BRIX1: variants seen among roughly 807,000 people sequenced by gnomAD.
BRIX1 encodes the protein ribosome biogenesis protein BRX1 homolog.
A neutral mutation model predicts 44.0 loss-of-function variants in BRIX1; 15 were observed. The observed-to-expected ratio is 0.34, with a 90% CI of 0.23 to 0.53. The LOEUF is 0.53. Among genes scored for constraint, BRIX1 ranks in the 20% least tolerant of loss-of-function variants. The pLI is 0.95. For missense variants in BRIX1, 420 were observed against 432.8 expected (o/e 0.97, Z 0.26); for synonymous variants, 149 against 135.4 (o/e 1.10, Z -0.70).
Position 34,922,749 on chromosome 5 carries a change from C to T in BRIX1, c.491C>T (p.Pro164Leu), listed in dbSNP as rs762828314. The T allele has an allele frequency of 1.8e-5, 29 of 1,613,824 alleles. No homozygotes were observed. Among genetic ancestry groups the T allele is most frequent in the Non-Finnish European group, 2.4e-5 (28 of 1,179,912 alleles). Residue 164 changes from proline (P) to leucine (L), a missense_variant, in exon 6 of 10, where the codon CCC becomes CTC. By Grantham distance (98) the Pro-to-Leu change is moderately conservative. Transcript: ENST00000336767. ...MTGNCLKGSR[P>L]LLSFDPAFDE... ...GGAAACTGTTTGAAAGGTTCTCGGC[C>T]CCTTTTGTCTTTTGACCCTGTAAGT...
In BRIX1 at chr5:34,919,866, C is replaced by T. The variant is rs1418076844; in HGVS notation, c.298C>T (p.Leu100=). The change falls in exon 3 of 10, where the codon CTA becomes TTA. Residue 100 remains leucine (L), a synonymous_variant. Coordinates refer to ENST00000336767, the MANE Select transcript of BRIX1 (RefSeq NM_018321.4). ...TACTAAAATGGATCGTAAGGATAAG[C>T]TATTTGTGATTAACGAGGTAATTTT... ...ADTKMDRKDK[L]FVINEVCEMK... is the part of the protein sequence containing the mutation. The T allele has an allele frequency of 3.4e-6, 4 of 1,192,798 alleles. No homozygotes were observed. The highest frequency in any genetic ancestry group is 4.8e-6 in the Non-Finnish European group (4 of 833,772). 73.9% of individuals were successfully genotyped at this position (1,192,798 alleles called of 1,614,324 possible).
At chr5:34,925,172 A>G (rs1200886653) in intron 9 of BRIX1, 54 bp from the exon 10 acceptor site, 2 of 1,491,406 alleles carry the variant, frequency 1.3e-6, no homozygotes, top group Non-Finnish European at 8.9e-7. Flanking sequence ...TTTGCCTTAT[A>G]TAAAATGTTT....
Position 34,915,729 on chromosome 5 carries a change from G to A in BRIX1, c.-10G>A. 1.3e-6 allele frequency: 2 copies of A among 1,595,258 alleles called. No homozygotes were observed. The highest frequency in any genetic ancestry group is 1.1e-5 in the South Asian group (1 of 88,580). On this transcript the variant is annotated 5_prime_UTR_variant, in exon 1 of 10. Transcript: ENST00000336767. ...GGAAAGGAGGCCAAGAGCGCGGGCGGCGAGGCAAGATGGCGGCAACCAAGA... is the reference window on the plus strand; with the variant it reads ...GGAAAGGAGGCCAAGAGCGCGGGCGACGAGGCAAGATGGCGGCAACCAAGA...
Position 34,925,207 on chromosome 5 carries a change from C to CTTTT in BRIX1, c.793-6_793-3dup, listed in dbSNP as rs35326249. On this transcript the variant is annotated intron_variant, in intron 9 of 9. Coordinates refer to ENST00000336767, the MANE Select transcript of BRIX1 (RefSeq NM_018321.4). ...TATTTTTATTTCAAAAGCATCTAAT[C>CTTTT]TTTTTTTTTTTTTTTTAGCATCGGC... 2.1e-5 allele frequency: 28 copies of CTTTT among 1,357,940 alleles called. No homozygotes were observed. Among genetic ancestry groups the CTTTT allele is most frequent in the South Asian group, 1.2e-4 (8 of 66,704 alleles). The allele number at this position is 1,357,940 out of a possible 1,614,324, so 84.1% of individuals were successfully genotyped here.
chr5:34,915,925 C>T, intron 1 of BRIX1, 28 bp downstream of exon 1: 1 of 1,512,466 alleles, frequency 6.6e-7, no homozygotes, highest in South Asian at 1.3e-5. Flanking sequence ...CGGGCTACAC[C>T]TGCGGCGGCG....
Position 34,925,207 on chromosome 5 carries a change from CTTT to C in BRIX1, c.793-5_793-3del, listed in dbSNP as rs35326249. ...TATTTTTATTTCAAAAGCATCTAAT[CTTT>C]TTTTTTTTTTTTTAGCATCGGCGTG... On this transcript the variant is annotated splice_polypyrimidine_tract_variant and intron_variant, in intron 9 of 9. Coordinates refer to ENST00000336767, the MANE Select transcript of BRIX1 (RefSeq NM_018321.4). 1.8e-3 allele frequency: 2,384 copies of C among 1,340,182 alleles called. No homozygotes were observed. Among genetic ancestry groups the C allele is most frequent in the South Asian group, 5.0e-3 (328 of 65,514 alleles). The allele number at this position is 1,340,182 out of a possible 1,614,324, so 83.0% of individuals were successfully genotyped here.
rs1427967738 is a variant in BRIX1 at position 34,915,826 on chromosome 5, G to C, written c.88G>C (p.Ala30Pro). The C allele has an allele frequency of 6.4e-7, 1 of 1,574,370 alleles. No individual in the cohort carries two copies. The highest frequency in any genetic ancestry group is 8.6e-7 in the Non-Finnish European group (1 of 1,159,938). Residue 30 changes from alanine (A) to proline (P), a missense_variant, in exon 1 of 10, where the codon GCT becomes CCT. Coordinates refer to ENST00000336767, the MANE Select transcript of BRIX1 (RefSeq NM_018321.4). ...AAACGAAATAGATGCGGAGCCGCCA[G>C]CTAAGCGGCACGCCACAGCAGAGGA... ...KRNEIDAEPP[A>P]KRHATAEEVE... is the part of the protein sequence containing the mutation.
rs1434254718 is a variant in BRIX1 at position 34,922,558 on chromosome 5, G to A, written c.406G>A (p.Gly136Arg). Residue 136 changes from glycine to arginine, a missense_variant, in exon 5 of 10, where the codon GGA becomes AGA. Coordinates refer to ENST00000336767, the MANE Select transcript of BRIX1 (RefSeq NM_018321.4). ...TTTCAGGCTTTCAAATTCACCTCACGGACCATCTGCTAAATTCCTTGTTCA... is the reference window on the plus strand; with the variant it reads ...TTTCAGGCTTTCAAATTCACCTCACAGACCATCTGCTAAATTCCTTGTTCA... ...LYMWLSNSPH[G>R]PSAKFLVQNI... 2 of 1,609,350 alleles carry A rather than the reference G, an allele frequency of 1.2e-6. No individual in the cohort carries two copies. Among genetic ancestry groups the A allele is most frequent in the Non-Finnish European group, 8.5e-7 (1 of 1,176,042 alleles).
At position 34,922,557 on chromosome 5, in the gene BRIX1, C is replaced by A; in HGVS notation, c.405C>A (p.His135Gln). The A allele has an allele frequency of 1.9e-6, 3 of 1,608,782 alleles. No individual in the cohort carries two copies. The South Asian group carries it at 3.3e-5, about 18-fold the overall frequency. Residue 135 changes from histidine (H) to glutamine (Q), a missense_variant, in exon 5 of 10, where the codon CAC (histidine) becomes CAA (glutamine). Transcript: ENST00000336767. ...DLYMWLSNSP[H>Q]GPSAKFLVQN... ...CTTTCAGGCTTTCAAATTCACCTCACGGACCATCTGCTAAATTCCTTGTTC... is the reference window on the plus strand; with the variant it reads ...CTTTCAGGCTTTCAAATTCACCTCAAGGACCATCTGCTAAATTCCTTGTTC...
rs371474433 is a variant in BRIX1 at position 34,924,986 on chromosome 5, G to C, written c.792+11G>C. ...CAGTCACCAAACATGGTAAGCGGTT[G>C]TGTCATTCAGTAGTCTTCAATGTAC... is the stretch of plus-strand genomic sequence containing the variant. On this transcript the variant is annotated intron_variant, in intron 9 of 9. Coordinates refer to ENST00000336767, the MANE Select transcript of BRIX1 (RefSeq NM_018321.4). 6.8e-6 allele frequency: 11 copies of C among 1,611,646 alleles called. No homozygotes were observed. In the African/African-American group the frequency reaches 1.5e-4, roughly 22 times the overall value.
chr5:34,925,488 C>T lies in BRIX1; in HGVS notation c.1055C>T (p.Thr352Ile). ...AAACAGAGGATGGACAGTGGGAAAACAAAATAAGTCAATGGAAACCTGATT... is the reference window on the plus strand; with the variant it reads ...AAACAGAGGATGGACAGTGGGAAAATAAAATAAGTCAATGGAAACCTGATT... ...KMKQRMDSGK[T>I]K The change falls in exon 10 of 10, where the codon ACA becomes ATA. Residue 352 changes from threonine to isoleucine, a missense_variant. Coordinates refer to ENST00000336767, the MANE Select transcript of BRIX1 (RefSeq NM_018321.4). 6.2e-7 allele frequency: 1 copy of T among 1,607,692 alleles called. No homozygotes were observed. Among genetic ancestry groups the T allele is most frequent in the Non-Finnish European group, 8.5e-7 (1 of 1,177,550 alleles).
intron 8 of BRIX1, among the ~76,000 whole-genome samples, chr5:34,924,352 T>C (rs1471131245): frequency 1.3e-5 from 2 of 152,224 alleles, no homozygotes; most frequent in Admixed American, 6.5e-5. Context: ...CCTGAACTAA[T>C]AGATAACATA....
At chr5:34,923,577 CT>C (rs1764288315) in intron 8 of BRIX1, among the ~76,000 whole-genome samples, 1 of 152,116 alleles carries the variant, frequency 6.6e-6, no homozygotes, top group African/African-American at 2.4e-5. Context: ...TACACCCGGC[CT>C]AATTTTTTTT....
rs114965214 is a variant in BRIX1 at position 34,915,752 on chromosome 5, A to G, written c.14A>G (p.Lys5Arg). 7.5e-6 allele frequency: 12 copies of G among 1,603,580 alleles called. No homozygotes were observed. The East Asian group carries it at 2.7e-4, about 36-fold the overall frequency. MAAT[K>R]RKRRGGFAVQ... Reference sequence around the variant, plus strand: ...CGGCGAGGCAAGATGGCGGCAACCAAGAGGAAACGGCGTGGAGGCTTTGCA... The same window carrying G: ...CGGCGAGGCAAGATGGCGGCAACCAGGAGGAAACGGCGTGGAGGCTTTGCA... The change falls in exon 1 of 10, where the codon AAG becomes AGG. Residue 5 changes from lysine to arginine, a missense_variant. Physicochemically the swap from Lys to Arg is conservative, Grantham distance 26 (BLOSUM62 2). Transcript: ENST00000336767.
At chr5:34,917,293 G>A (rs765724468) in intron 1 of BRIX1, among the ~76,000 whole-genome samples, 4 of 152,176 alleles carry the variant, frequency 2.6e-5, no homozygotes, top group Non-Finnish European at 5.9e-5. Context: ...TATGTCATTT[G>A]AACTTTGTTT....
rs1321721714 is a variant in BRIX1, at chr5:34,925,215, T to TG, written c.793-11_793-10insG. The TG allele has an allele frequency of 6.6e-7, 1 of 1,504,894 alleles. No homozygotes were observed. The highest frequency in any genetic ancestry group is 1.4e-5 in the African/African-American group (1 of 69,670). The allele number at this position is 1,504,894 out of a possible 1,614,324, so 93.2% of individuals were successfully genotyped here. ...TTTCAAAAGCATCTAATCTTTTTTT[T>TG]TTTTTTTTAGCATCGGCGTGTCATA... On this transcript the variant is annotated splice_polypyrimidine_tract_variant and intron_variant, in intron 9 of 9. Transcript: ENST00000336767.
chr5:34,922,121 A>G (rs1764252273), intron 3 of BRIX1, 96 bp from the exon 4 acceptor site: 1 of 646,932 alleles, frequency 1.5e-6, no homozygotes, highest in African/African-American at 1.9e-5. Flanking sequence ...CTGGTTAGGT[A>G]TTTTTGAGAT....
rs1448509875 is a variant in BRIX1, at chr5:34,918,497, T to C, written c.271+22T>C. 6 of 1,327,244 alleles carry C rather than the reference T, an allele frequency of 4.5e-6. No individual in the cohort carries two copies. The East Asian group carries it at 7.4e-5, about 16-fold the overall frequency. The allele number at this position is 1,327,244 out of a possible 1,614,324, so 82.2% of individuals were successfully genotyped here. A position where few individuals can be genotyped will look rare whatever the true frequency, so the allele number is the denominator to read the frequency against. Reference sequence around the variant, plus strand: ...GCAGGTGCCTTTATATCATATACTTTAGAAATTTCTATCTATAAACTTACC... The same window carrying C: ...GCAGGTGCCTTTATATCATATACTTCAGAAATTTCTATCTATAAACTTACC... On this transcript the variant is annotated intron_variant, in intron 2 of 9. Coordinates refer to ENST00000336767, the MANE Select transcript of BRIX1 (RefSeq NM_018321.4).
In BRIX1 at chr5:34,918,572, C is replaced by T. The variant is rs114354872; in HGVS notation, c.271+97C>T. ...ATATATTCTTCATTTGTTCAGTGTT[C>T]TCACGAAAAAAACACAATGCCTTTT... On this transcript the variant is annotated intron_variant, in intron 2 of 9. Transcript: ENST00000336767. 237 of 688,324 alleles carry T rather than the reference C, an allele frequency of 3.4e-4. No homozygotes were observed. The African/African-American group carries it at 4.2e-3, about 12-fold the overall frequency. 42.6% of individuals were successfully genotyped at this position (688,324 alleles called of 1,614,324 possible). A position where few individuals can be genotyped will look rare whatever the true frequency, so the allele number is the denominator to read the frequency against.
Sources: gnomAD v4.1 joint callset for allele counts (sites outside exome capture counted in the v4.1 genomes callset) on GRCh38, gnomAD v4.1.1 for gene constraint, MANE v1.5 for transcripts, NCBI Gene and HGNC (gene_info 2026-07-23, HGNC 2026-07-21) for gene names.